The following MAD1L1 variants were observed in gnomAD, a reference collection of about 807,000 sequenced individuals.
MAD1L1 encodes mitotic arrest deficient 1 like 1.
Under a neutral mutation model 96.9 loss-of-function variants are expected in MAD1L1, and 95 were observed. The observed-to-expected ratio is 0.98, with a 90% CI of 0.83 to 1.16. MAD1L1 has a LOEUF of 1.16. MAD1L1 is among the 50% of genes most tolerant of loss of function. The pLI, the probability that MAD1L1 is intolerant of heterozygous loss-of-function variation, is 0.00. For missense variants in MAD1L1, 1,007 were observed against 954.4 expected (o/e 1.06, Z -0.73); for synonymous variants, 473 against 396.6 (o/e 1.19, Z -2.29).
At chr7:2,206,375 T>C (rs1296307695) in intron 10 of MAD1L1, among the ~76,000 whole-genome samples, 1 of 152,224 alleles carries the variant, frequency 6.6e-6, no homozygotes, top group Non-Finnish European at 1.5e-5. Flanking sequence ...TTATGGTTCA[T>C]GTTCGTTGTA....
intron 12 of MAD1L1, among the ~76,000 whole-genome samples, chr7:2,045,710 A>G (rs1328269761): frequency 1.4e-5 from 2 of 142,382 alleles, no homozygotes; most frequent in East Asian, 2.2e-4. Context: ...AAAGTCTAAC[A>G]GGATTCCTTG....
chr7:1,832,299 G>C (rs1782737927), intron 18 of MAD1L1, among the ~76,000 whole-genome samples: 1 of 152,176 alleles, frequency 6.6e-6, no homozygotes, highest in African/African-American at 2.4e-5. Context: ...ATTAGAAGCA[G>C]AGCCTGAAGA....
chr7:2,208,994 C>T (rs772210233), intron 10 of MAD1L1, among the ~76,000 whole-genome samples: 6 of 152,226 alleles, frequency 3.9e-5, no homozygotes, highest in East Asian at 1.9e-4. Flanking sequence ...ACCACACTCC[C>T]GGCACTGGCA....
At chr7:2,106,942 CA>C (rs1787132310) in intron 11 of MAD1L1, among the ~76,000 whole-genome samples, 1 of 152,172 alleles carries the variant, frequency 6.6e-6, no homozygotes, top group Admixed American at 6.5e-5. Flanking sequence ...GCAGCTGGCC[CA>C]GTCCCCTAGA....
At chr7:2,061,200 G>C (rs1267500485) in intron 12 of MAD1L1, among the ~76,000 whole-genome samples, 1 of 152,186 alleles carries the variant, frequency 6.6e-6, no homozygotes, top group Non-Finnish European at 1.5e-5. Context: ...AGCTGGGCGT[G>C]CTGGCGCGTG....
intron 10 of MAD1L1, 77 bp from the exon 11 acceptor site, chr7:2,149,315 C>T: frequency 9.0e-7 from 1 of 1,111,046 alleles, no homozygotes; most frequent in Non-Finnish European, 1.4e-6. Context: ...AAACAGAAGG[C>T]CAAAAGCAAC....
chr7:2,216,306 A>G lies in MAD1L1; in HGVS notation c.679-19T>C. Reference sequence around the variant, plus strand: ...CCAGATCCTGATGGAGGCCAGGGACAGAGAAGAAGGGAAAAATGAGCCACG... The same window carrying G: ...CCAGATCCTGATGGAGGCCAGGGACGGAGAAGAAGGGAAAAATGAGCCACG... On this transcript the variant is annotated intron_variant, in intron 7 of 18. Coordinates refer to ENST00000265854, the MANE Select transcript of MAD1L1 (RefSeq NM_001013836.2). 1 of 1,607,724 alleles carries G rather than the reference A, an allele frequency of 6.2e-7. No homozygotes were observed. The highest frequency in any genetic ancestry group is 8.5e-7 in the Non-Finnish European group (1 of 1,178,190).
intron 18 of MAD1L1, among the ~76,000 whole-genome samples, chr7:1,842,950 C>G (rs190997317): frequency 6.6e-6 from 1 of 152,238 alleles, no homozygotes; most frequent in Non-Finnish European, 1.5e-5. Flanking sequence ...AGTCCGAGGC[C>G]GGGCTCCAGC....
In MAD1L1 at chr7:2,222,653, G is replaced by C; in HGVS notation, c.393C>G (p.Asn131Lys). Residue 131 changes from asparagine (N) to lysine (K), a missense_variant, in exon 5 of 19, where the codon AAC (asparagine) becomes AAG (lysine). Physicochemically the swap from Asn to Lys is moderately conservative, Grantham distance 94. Transcript: ENST00000265854. ...EEKMQEQLER[N>K]RQCQQNLDAA... Reference sequence around the variant, plus strand: ...CATCCAAGTTCTGCTGACACTGCCTGTTGCGCTCCAGCTGCTCCTGCATCT... The same window carrying C: ...CATCCAAGTTCTGCTGACACTGCCTCTTGCGCTCCAGCTGCTCCTGCATCT... 1 of 1,613,312 alleles carries C rather than the reference G, an allele frequency of 6.2e-7. No homozygotes were observed. The highest frequency in any genetic ancestry group is 8.5e-7 in the Non-Finnish European group (1 of 1,179,894).
At chr7:1,876,238 C>T (rs990175139) in intron 18 of MAD1L1, among the ~76,000 whole-genome samples, 1 of 152,202 alleles carries the variant, frequency 6.6e-6, no homozygotes, top group African/African-American at 2.4e-5. Flanking sequence ...AAGGTCTCCA[C>T]AACCATTGGT....
chr7:2,174,796 G>T (rs531185572), intron 10 of MAD1L1, among the ~76,000 whole-genome samples: 1 of 152,238 alleles, frequency 6.6e-6, no homozygotes, highest in South Asian at 2.1e-4. Flanking sequence ...GCTTATGAGA[G>T]GTTTCTTCCT....
At chr7:2,148,822 C>T (rs755837861) in intron 11 of MAD1L1, among the ~76,000 whole-genome samples, 2 of 152,188 alleles carry the variant, frequency 1.3e-5, no homozygotes, top group African/African-American at 2.4e-5. Context: ...CCCAAGACCA[C>T]ATGAGGCCCC....
At chr7:1,941,413 G>C (rs963788178) in intron 16 of MAD1L1, among the ~76,000 whole-genome samples, 1 of 152,224 alleles carries the variant, frequency 6.6e-6, no homozygotes, top group African/African-American at 2.4e-5. Context: ...AGGACCAAAA[G>C]CCCAAGCCAG....
chr7:1,907,073 G>A (rs1363177012), intron 17 of MAD1L1, among the ~76,000 whole-genome samples: 1 of 152,088 alleles, frequency 6.6e-6, no homozygotes, highest in African/African-American at 2.4e-5. Context: ...GTCACTGTGA[G>A]AGCCAGGGGC....
chr7:2,226,862 C>T (rs905458400), intron 3 of MAD1L1, among the ~76,000 whole-genome samples: 3 of 151,786 alleles, frequency 2.0e-5, no homozygotes, highest in Non-Finnish European at 4.4e-5. Flanking sequence ...TGGTGGTACG[C>T]ACCTGTAACC....
At position 2,197,873 on chromosome 7, in the gene MAD1L1, G is replaced by C. The variant is rs1358723186; in HGVS notation, c.986+15339C>G. Among the ~76,000 whole-genome samples, 5 of 152,154 alleles carry C rather than the reference G, an allele frequency of 3.3e-5. No individual in the cohort carries two copies. The East Asian group carries it at 9.7e-4, about 30-fold the overall frequency. ...GAGTTCACAACCCCTCCCTGCCTGA[G>C]AGCCAAAACTGGTCCTAGCCCCCGG... On this transcript the variant is annotated intron_variant, in intron 10 of 18. Transcript: ENST00000265854.
chr7:2,141,932 C>T (rs1195159468), intron 11 of MAD1L1, among the ~76,000 whole-genome samples: 2 of 152,212 alleles, frequency 1.3e-5, no homozygotes, highest in Admixed American at 6.5e-5. Context: ...AGGCAGAGGC[C>T]ACCAGCCAGG....
chr7:1,913,374 T>G (rs1486383792), intron 17 of MAD1L1, among the ~76,000 whole-genome samples: 2 of 150,106 alleles, frequency 1.3e-5, no homozygotes, highest in African/African-American at 2.5e-5. Context: ...TGGCGTGGGG[T>G]GGGGGATCCA....
At chr7:1,921,102 C>T (rs1370110456) in intron 17 of MAD1L1, among the ~76,000 whole-genome samples, 2 of 152,162 alleles carry the variant, frequency 1.3e-5, no homozygotes, top group South Asian at 2.1e-4. Flanking sequence ...CCAGATGACA[C>T]ACTCCTGCCT....
Sources: allele counts gnomAD v4.1 joint callset (sites outside exome capture counted in the v4.1 genomes callset), GRCh38; gene constraint gnomAD v4.1.1; transcripts MANE v1.5; gene names NCBI Gene and HGNC (gene_info 2026-07-23, HGNC 2026-07-21).